Variants in DISC1 observed in about 807,000 individuals in gnomAD.
The protein encoded by DISC1 is DISC1 scaffold protein.
In DISC1, 57 loss-of-function variants were observed where a neutral mutation model predicts 84.5. The observed-to-expected ratio is 0.67, with a 90% confidence interval of 0.55 to 0.84. DISC1 has a LOEUF of 0.84. DISC1 is among the 40% of genes least tolerant of loss of function. The probability of loss-of-function intolerance (pLI) is 0.00; values close to 1 mark genes in which losing one functional copy is unlikely to be tolerated. For synonymous variants in DISC1, 411 were observed against 415.2 expected (o/e 0.99, Z 0.12); for missense variants, 1,000 against 1,057.8 (o/e 0.95, Z 0.76).
intron 4 of DISC1, among the ~76,000 whole-genome samples, chr1:231,759,633 G>T (rs2075473836): frequency 6.6e-6 from 1 of 151,836 alleles, no homozygotes; most frequent in East Asian, 1.9e-4. Context: ...TTGAACTCAG[G>T]AATTTGGGGC....
intron 10 of DISC1, 121 bp downstream of exon 10, chr1:231,959,009 G>A: frequency 6.9e-7 from 1 of 1,455,922 alleles, no homozygotes; most frequent in Non-Finnish European, 9.0e-7. Flanking sequence ...AACAAAGAAA[G>A]ACACAAAAAA....
At chr1:231,808,848 T>C (rs1040172967) in intron 8 of DISC1, among the ~76,000 whole-genome samples, 1 of 152,316 alleles carries the variant, frequency 6.6e-6, no homozygotes, top group South Asian at 2.1e-4. Flanking sequence ...GGTCTTCAGA[T>C]GGAAGGTGCA....
At chr1:231,791,770 A>G (rs1391198145) in intron 6 of DISC1, among the ~76,000 whole-genome samples, 1 of 152,168 alleles carries the variant, frequency 6.6e-6, no homozygotes, top group Admixed American at 6.5e-5. Context: ...AAGTACACGG[A>G]ACTCCTGCTT....
chr1:232,008,042 C>T (rs1160787267), intron 10 of DISC1, among the ~76,000 whole-genome samples: 1 of 152,156 alleles, frequency 6.6e-6, no homozygotes, highest in Non-Finnish European at 1.5e-5. Context: ...CCATGATTGT[C>T]AGTTTCTTGA....
chr1:231,693,083 A>C (rs2065235894), intron 1 of DISC1, among the ~76,000 whole-genome samples: 1 of 152,256 alleles, frequency 6.6e-6, no homozygotes, highest in South Asian at 2.1e-4. Flanking sequence ...TGATGGGGAA[A>C]CTGAGGCACA....
intron 9 of DISC1, among the ~76,000 whole-genome samples, chr1:231,834,160 G>T (rs545024318): frequency 5.3e-5 from 8 of 152,126 alleles, no homozygotes; most frequent in African/African-American, 1.4e-4. Context: ...CTGGGCAGGT[G>T]GGGGAGGGCT....
Position 231,753,980 on chromosome 1 carries a change from A to G in DISC1, c.1268+3904A>G, listed in dbSNP as rs190968952. On this transcript the variant is annotated intron_variant, in intron 4 of 12. Transcript: ENST00000439617. ...ATTGACCTTTACTCCAGTTCCCAAT[A>G]AGTTTCTCATTTCCATCTGAGACCT... 2.0e-3 allele frequency among the ~76,000 whole-genome samples: 302 copies of G among 152,238 alleles called. 1 individual carries two copies. The highest frequency in any genetic ancestry group is 7.0e-3 in the African/African-American group (290 of 41,538).
In DISC1 at chr1:231,981,029, C is replaced by T. The variant is rs574615796; in HGVS notation, c.2042+22141C>T. 1.8e-4 allele frequency among the ~76,000 whole-genome samples: 27 copies of T among 152,344 alleles called. No homozygotes were observed. In the South Asian group the frequency reaches 5.6e-3, roughly 32 times the overall value. Reference sequence around the variant, plus strand: ...TGGCACGATCACAGCTCACTGCAGCCTCAACCTCCTGGGCTCGATTAATTA... The same window carrying T: ...TGGCACGATCACAGCTCACTGCAGCTTCAACCTCCTGGGCTCGATTAATTA... On this transcript the variant is annotated intron_variant, in intron 10 of 12. Transcript: ENST00000439617.
At chr1:231,800,019 A>T (rs1186488311) in intron 7 of DISC1, 89 bp from the exon 8 acceptor site, 2 of 935,496 alleles carry the variant, frequency 2.1e-6, no homozygotes, top group Non-Finnish European at 3.4e-6. Flanking sequence ...AATTACTTAC[A>T]AACCCAGAAA....
chr1:231,906,700 CTTGCCCTTA>C (rs146422777), intron 9 of DISC1, among the ~76,000 whole-genome samples: 2,496 of 152,202 alleles, frequency 0.016, 59 homozygotes, highest in African/African-American at 0.056. Context: ...TAGAGGGTGC[CTTGCCCTTA>C]TTGCTCCACC....
At chr1:231,680,729 C>T (rs553263922) in intron 1 of DISC1, among the ~76,000 whole-genome samples, 2 of 152,332 alleles carry the variant, frequency 1.3e-5, no homozygotes, top group South Asian at 4.1e-4. Flanking sequence ...GATGCTCCAG[C>T]TTCCAGTGTG....
chr1:231,912,808 T>TC (rs2089341312), intron 9 of DISC1, among the ~76,000 whole-genome samples: 3 of 146,414 alleles, frequency 2.0e-5, no homozygotes, highest in Admixed American at 7.0e-5. Context: ...TTTCTTTCTT[T>TC]TTCTTTCCTT....
At chr1:231,773,970 T>C (rs893541275) in intron 6 of DISC1, among the ~76,000 whole-genome samples, 2 of 151,836 alleles carry the variant, frequency 1.3e-5, no homozygotes, top group African/African-American at 4.8e-5. Flanking sequence ...ATCTTGGGAA[T>C]GTAAGGATGA....
At chr1:231,800,361 C>A in intron 8 of DISC1, 151 bp downstream of exon 8, 1 of 714,158 alleles carries the variant, frequency 1.4e-6, no homozygotes, top group Non-Finnish European at 2.5e-6. Context: ...CTAATATGCA[C>A]ATAATATAGC....
chr1:231,631,686 C>T (rs969994989), intron 1 of DISC1, among the ~76,000 whole-genome samples: 1 of 151,812 alleles, frequency 6.6e-6, no homozygotes, highest in Non-Finnish European at 1.5e-5. Context: ...TATTTTTGTA[C>T]AGCTGCACAA....
At chr1:231,793,569 T>C (rs1317182485) in intron 6 of DISC1, among the ~76,000 whole-genome samples, 1 of 152,204 alleles carries the variant, frequency 6.6e-6, no homozygotes, top group Non-Finnish European at 1.5e-5. Context: ...GCGGGGCCCA[T>C]GGACCCCATG....
intron 6 of DISC1, among the ~76,000 whole-genome samples, chr1:231,782,834 C>T (rs560268932): frequency 6.6e-5 from 10 of 151,816 alleles, no homozygotes; most frequent in East Asian, 1.9e-4. Context: ...TCCAGCTACT[C>T]GGGAGGCTGA....
intron 9 of DISC1, among the ~76,000 whole-genome samples, chr1:231,958,001 CACAATA>C (rs1452126386): frequency 6.6e-6 from 1 of 152,060 alleles, no homozygotes; most frequent in Non-Finnish European, 1.5e-5. Flanking sequence ...TGATAAAACC[CACAATA>C]ACAATAATAA....
At chr1:231,905,470 T>A (rs76443899) in intron 9 of DISC1, among the ~76,000 whole-genome samples, 2 of 151,622 alleles carry the variant, frequency 1.3e-5, no homozygotes, top group Non-Finnish European at 2.9e-5. Flanking sequence ...TTTTTTTTTT[T>A]AATTAGCCTG....
Sources: allele counts gnomAD v4.1 joint callset (sites outside exome capture counted in the v4.1 genomes callset), GRCh38; gene constraint gnomAD v4.1.1; transcripts MANE v1.5; gene names NCBI Gene and HGNC (gene_info 2026-07-23, HGNC 2026-07-21).